SLCO6A1: variants seen among roughly 807,000 people sequenced by gnomAD.
SLCO6A1 encodes solute carrier organic anion transporter family member 6A1.
In SLCO6A1, 65 loss-of-function variants were observed where a neutral mutation model predicts 72.7. The ratio of observed to expected loss-of-function variants is 0.89; its 90% CI spans 0.73 to 1.10. The LOEUF (loss-of-function observed/expected upper bound fraction) is 1.10, where lower values mean the gene tolerates loss of function less well. SLCO6A1 is among the 50% of genes least tolerant of loss of function. The pLI, the probability that SLCO6A1 is intolerant of heterozygous loss-of-function variation, is 0.00. For synonymous variants in SLCO6A1, 314 were observed against 298.2 expected (o/e 1.05, Z -0.55); for missense variants, 874 against 872.6 (o/e 1.00, Z -0.02).
At chr5:102,446,721 G>GT (rs1213393009) in intron 6 of SLCO6A1, among the ~76,000 whole-genome samples, 1 of 151,646 alleles carries the variant, frequency 6.6e-6, no homozygotes, top group Non-Finnish European at 1.5e-5. Flanking sequence ...TTATTTTGAG[G>GT]TATGTACCTT....
Position 102,412,976 on chromosome 5 carries a change from T to C in SLCO6A1, c.1626+14A>G. ...AATGTATAACAAAACATAATAATTA[T>C]AAAAAATAATTACCTTTTTTTGGTT... On this transcript the variant is annotated intron_variant, in intron 9 of 13. Transcript: ENST00000506729. 3.4e-6 allele frequency: 4 copies of C among 1,184,630 alleles called. No homozygotes were observed. The highest frequency in any genetic ancestry group is 4.4e-6 in the Non-Finnish European group (4 of 907,010). The allele number at this position is 1,184,630 out of a possible 1,614,324, so 73.4% of individuals were successfully genotyped here. A position where few individuals can be genotyped will look rare whatever the true frequency, so the allele number is the denominator to read the frequency against.
chr5:102,392,127 T>A (rs1377192337), intron 10 of SLCO6A1, among the ~76,000 whole-genome samples: 1 of 152,052 alleles, frequency 6.6e-6, no homozygotes, highest in Admixed American at 6.6e-5. Context: ...ATTCTATTTA[T>A]AAAAATACAG....
At chr5:102,439,329 T>C (rs1164474751) in intron 6 of SLCO6A1, among the ~76,000 whole-genome samples, 2 of 152,096 alleles carry the variant, frequency 1.3e-5, no homozygotes, top group Non-Finnish European at 2.9e-5. Flanking sequence ...GATGTGATGG[T>C]TTATTATTAT....
At chr5:102,417,397 T>C (rs1277950424) in intron 8 of SLCO6A1, among the ~76,000 whole-genome samples, 7 of 152,176 alleles carry the variant, frequency 4.6e-5, no homozygotes, top group Non-Finnish European at 7.4e-5. Context: ...CCATTTGTCC[T>C]ATCTCTTTTT....
At chr5:102,477,653 G>GTCTACTT in intron 3 of SLCO6A1, 23 bp downstream of exon 3, 1 of 1,596,724 alleles carries the variant, frequency 6.3e-7, no homozygotes. Context: ...TGGGTCAATC[G>GTCTACTT]TAATAGAGGG....
At chr5:102,427,284 GAGA>G (rs1279600433) in intron 7 of SLCO6A1, among the ~76,000 whole-genome samples, 1 of 151,942 alleles carries the variant, frequency 6.6e-6, no homozygotes, top group Non-Finnish European at 1.5e-5. Flanking sequence ...AAAAGAGTGA[GAGA>G]AGAATAACCA....
rs369298932 is a variant in SLCO6A1, at chr5:102,400,509, G to A, written c.1627-767C>T. Among the ~76,000 whole-genome samples, 6 of 151,966 alleles carry A rather than the reference G, an allele frequency of 3.9e-5. No homozygotes were observed. In the South Asian group the frequency reaches 8.3e-4, roughly 21 times the overall value. ...AAAGCCAATGAGAATTTGGAGTTGTGGTTGTAGGGTGGATAATTTAAGGCA... is the reference window on the plus strand; with the variant it reads ...AAAGCCAATGAGAATTTGGAGTTGTAGTTGTAGGGTGGATAATTTAAGGCA... On this transcript the variant is annotated intron_variant, in intron 9 of 13. Coordinates refer to ENST00000506729, the MANE Select transcript of SLCO6A1 (RefSeq NM_173488.5).
chr5:102,438,482 T>C (rs1212588481), intron 7 of SLCO6A1, 135 bp downstream of exon 7: 25 of 648,306 alleles, frequency 3.9e-5, no homozygotes, highest in Non-Finnish European at 5.0e-5. Flanking sequence ...GGCAAAGTGC[T>C]CATATTTGTA....
At chr5:102,391,147 A>G (rs1452065) in intron 10 of SLCO6A1, 102 bp from the exon 11 acceptor site, 708,222 of 1,088,560 alleles carry the variant, frequency 0.65, 232,471 homozygotes, top group African/African-American at 0.67. Context: ...TGGTGCATCA[A>G]TTGTACTAAG....
intron 6 of SLCO6A1, among the ~76,000 whole-genome samples, chr5:102,444,757 T>C (rs1405221607): frequency 6.6e-6 from 1 of 152,214 alleles, no homozygotes; most frequent in African/African-American, 2.4e-5. Flanking sequence ...TTTTGTTTTC[T>C]TTCATTTTGT....
intron 4 of SLCO6A1, among the ~76,000 whole-genome samples, chr5:102,463,534 A>T (rs1640699887): frequency 6.6e-6 from 1 of 152,220 alleles, no homozygotes; most frequent in South Asian, 2.1e-4. Flanking sequence ...CCATCAACAA[A>T]TGAGTGGATA....
intron 6 of SLCO6A1, among the ~76,000 whole-genome samples, chr5:102,442,441 A>G (rs1749885116): frequency 6.6e-6 from 1 of 152,254 alleles, no homozygotes; most frequent in Admixed American, 6.5e-5. Context: ...AATTGAATAC[A>G]TGTAATGGTT....
chr5:102,412,476 C>G (rs1218792341), intron 9 of SLCO6A1, among the ~76,000 whole-genome samples: 1 of 152,088 alleles, frequency 6.6e-6, no homozygotes, highest in Non-Finnish European at 1.5e-5. Context: ...CAAATTTTTG[C>G]CAGGCACGGT....
rs374390865 is a variant in SLCO6A1 at position 102,458,443 on chromosome 5, T to C, written c.1070A>G (p.Asp357Gly). 4 of 1,612,862 alleles carry C rather than the reference T, an allele frequency of 2.5e-6. No individual in the cohort carries two copies. In the African/African-American group the frequency reaches 5.3e-5, roughly 22 times the overall value. Residue 357 changes from aspartate (D) to glycine (G), a missense_variant, in exon 6 of 14, where the codon GAC (aspartate) becomes GGC (glycine). Physicochemically the swap from Asp to Gly is moderately conservative, Grantham distance 94 (BLOSUM62 -1). Transcript: ENST00000506729. ...AAGTTTCAGATCTTTAAGTCTGCTG[T>C]CAAAAAAATGAAGCTGTTTACGTTT... Reference protein sequence around the residue: ...ARKRKQLHFFDSRLKDLKLGT... With the variant: ...ARKRKQLHFFGSRLKDLKLGT...
At position 102,459,731 on chromosome 5, in the gene SLCO6A1, TCCA is replaced by T. The variant is rs1171295412; in HGVS notation, c.943_945del (p.Trp315del). On this transcript the variant is annotated inframe_deletion, in exon 5 of 14. Transcript: ENST00000506729. ...ACGACAGCGGCAAAAAGAAAATTAATCCACCAAGTCCATAGCCATTCTGGACTA... is the reference window on the plus strand; with the variant it reads ...ACGACAGCGGCAAAAAGAAAATTAATCCAAGTCCATAGCCATTCTGGACTA... 6.2e-7 allele frequency: 1 copy of T among 1,609,798 alleles called. No homozygotes were observed. Among genetic ancestry groups the T allele is most frequent in the African/African-American group, 1.3e-5 (1 of 74,384 alleles).
chr5:102,487,022 CCTT>C (rs1242156443), intron 1 of SLCO6A1, among the ~76,000 whole-genome samples: 1 of 152,034 alleles, frequency 6.6e-6, no homozygotes, highest in African/African-American at 2.4e-5. Context: ...GAAAAACTGT[CCTT>C]CTGCTAATGG....
chr5:102,377,531 A>G (rs1745865493), intron 12 of SLCO6A1, among the ~76,000 whole-genome samples: 1 of 152,144 alleles, frequency 6.6e-6, no homozygotes, highest in South Asian at 2.1e-4. Flanking sequence ...GTGTTTCCAC[A>G]AGGGTACTCA....
chr5:102,384,464 GGC>G (rs1412522391), intron 12 of SLCO6A1, among the ~76,000 whole-genome samples: 1 of 151,530 alleles, frequency 6.6e-6, no homozygotes, highest in African/African-American at 2.4e-5. Context: ...TTTTTGTAGT[GGC>G]AGTACGCTTT....
intron 12 of SLCO6A1, among the ~76,000 whole-genome samples, chr5:102,382,938 GTGTATATATATGAGAGATATATATA>G (rs1746191917): frequency 7.1e-6 from 1 of 140,728 alleles, no homozygotes; most frequent in African/African-American, 2.9e-5. Flanking sequence ...ATATACGTGT[GTGTATATATATGAGAGATATATATA>G]TGTGTATATA....
Sources: gnomAD v4.1 joint callset for allele counts (sites outside exome capture counted in the v4.1 genomes callset) on GRCh38, gnomAD v4.1.1 for gene constraint, MANE v1.5 for transcripts, NCBI Gene and HGNC (gene_info 2026-07-23, HGNC 2026-07-21) for gene names.